PRDM11: variants seen among roughly 807,000 people sequenced by gnomAD.
PRDM11 encodes PR domain-containing protein 11.
In PRDM11, 20 loss-of-function variants were observed where a neutral mutation model predicts 97.8. That is an observed-to-expected ratio of 0.20 (90% CI 0.14 to 0.30). The LOEUF is 0.30. Among genes scored for constraint, PRDM11 ranks in the 10% least tolerant of loss-of-function variants. The pLI is 1.00. For synonymous variants in PRDM11, 599 were observed against 637.7 expected (o/e 0.94, Z 0.91); for missense variants, 1,139 against 1,555.2 (o/e 0.73, Z 4.50).
At chr11:45,135,941 G>A (rs567316308) in intron 1 of PRDM11, among the ~76,000 whole-genome samples, 1 of 152,256 alleles carries the variant, frequency 6.6e-6, no homozygotes, top group East Asian at 1.9e-4. Context: ...CAGCCAAGAG[G>A]GGCCTAAGAA....
At position 45,224,713 on chromosome 11, in the gene PRDM11, C is replaced by T. The variant is rs1404588614; in HGVS notation, c.1239C>T (p.Asn413=). ...TTCCCACCACCTCTTTTTGCCCTAACTGTATTCGCCTAAAGAAGAAGGTTC... is the reference window on the plus strand; with the variant it reads ...TTCCCACCACCTCTTTTTGCCCTAATTGTATTCGCCTAAAGAAGAAGGTTC... ...HELPTTSFCP[N]CIRLKKKVRE... is the part of the protein sequence containing the mutation. The change falls in exon 7 of 8, where the codon AAC becomes AAT. Residue 413 remains asparagine (N), a synonymous_variant. Coordinates refer to ENST00000683152, the MANE Select transcript of PRDM11 (RefSeq NM_001384648.1). 2 of 1,614,154 alleles carry T rather than the reference C, an allele frequency of 1.2e-6. No homozygotes were observed. The highest frequency in any genetic ancestry group is 1.7e-5 in the Admixed American group (1 of 60,022).
intron 5 of PRDM11, among the ~76,000 whole-genome samples, chr11:45,217,349 C>A (rs921058217): frequency 6.6e-6 from 1 of 152,106 alleles, no homozygotes. Flanking sequence ...TGGCTGGGTG[C>A]GTGGAAATCA....
At chr11:45,196,268 T>G (rs1254348014) in intron 4 of PRDM11, among the ~76,000 whole-genome samples, 4 of 152,180 alleles carry the variant, frequency 2.6e-5, no homozygotes, top group Non-Finnish European at 5.9e-5. Flanking sequence ...CTTTTTTCTA[T>G]CTCTTGTTCA....
At chr11:45,113,826 T>G (rs1282481247) in intron 1 of PRDM11, among the ~76,000 whole-genome samples, 28 of 108,038 alleles carry the variant, frequency 2.6e-4, no homozygotes, top group African/African-American at 9.8e-4. Context: ...GTGTGTGTGT[T>G]TTGTTTTTTT....
chr11:45,213,982 A>G, intron 5 of PRDM11: 1 of 339,176 alleles, frequency 2.9e-6, no homozygotes, highest in Non-Finnish European at 5.8e-6. Context: ...GTGAGGTGGG[A>G]GGCACCTAGC....
intron 4 of PRDM11, among the ~76,000 whole-genome samples, chr11:45,185,093 A>G (rs1389334469): frequency 6.6e-6 from 1 of 152,192 alleles, no homozygotes; most frequent in Non-Finnish European, 1.5e-5. Context: ...CTGAGAAACC[A>G]GCCAGAAAGA....
At chr11:45,210,995 A>G (rs1486310275) in intron 5 of PRDM11, among the ~76,000 whole-genome samples, 2 of 152,164 alleles carry the variant, frequency 1.3e-5, no homozygotes, top group Non-Finnish European at 2.9e-5. Flanking sequence ...CTGGGCTGGC[A>G]GGGAGCCCGA....
chr11:45,175,619 G>A (rs944151152), intron 1 of PRDM11, among the ~76,000 whole-genome samples: 6 of 152,138 alleles, frequency 3.9e-5, no homozygotes, highest in Admixed American at 1.3e-4. Flanking sequence ...TATTGCAGAG[G>A]ACAGCTTTGT....
chr11:45,199,763 C>T (rs1853260277), intron 4 of PRDM11, among the ~76,000 whole-genome samples: 1 of 152,214 alleles, frequency 6.6e-6, no homozygotes, highest in East Asian at 1.9e-4. Flanking sequence ...GCTCTCTACT[C>T]AGGATGGCCT....
At chr11:45,168,231 G>A (rs572119709) in intron 1 of PRDM11, among the ~76,000 whole-genome samples, 1 of 152,306 alleles carries the variant, frequency 6.6e-6, no homozygotes, top group African/African-American at 2.4e-5. Flanking sequence ...AGGAGCTGTG[G>A]GCCGTGGTCA....
intron 1 of PRDM11, among the ~76,000 whole-genome samples, chr11:45,126,741 C>T (rs1287234207): frequency 6.6e-6 from 1 of 152,130 alleles, no homozygotes; most frequent in Non-Finnish European, 1.5e-5. Context: ...TGTGGGTAAC[C>T]CGACCTTTCT....
intron 1 of PRDM11, among the ~76,000 whole-genome samples, chr11:45,103,802 A>G (rs544554797): frequency 1.8e-4 from 27 of 149,140 alleles, no homozygotes; most frequent in African/African-American, 6.3e-4. Flanking sequence ...TATAAAAATT[A>G]TACCTCAACA....
At chr11:45,140,706 T>G (rs1442828886) in intron 1 of PRDM11, among the ~76,000 whole-genome samples, 7 of 151,926 alleles carry the variant, frequency 4.6e-5, no homozygotes, top group Non-Finnish European at 7.4e-5. Flanking sequence ...CCAATCTGCA[T>G]GAAGGTCTCT....
At chr11:45,097,392 T>C (rs1851900517) in intron 1 of PRDM11, among the ~76,000 whole-genome samples, 1 of 152,240 alleles carries the variant, frequency 6.6e-6, no homozygotes, top group South Asian at 2.1e-4. Flanking sequence ...ACGTGAGCAT[T>C]TGTTACATGC....
intron 5 of PRDM11, among the ~76,000 whole-genome samples, chr11:45,205,604 T>G (rs1274257933): frequency 6.6e-6 from 1 of 152,138 alleles, no homozygotes; most frequent in African/African-American, 2.4e-5. Flanking sequence ...ACCATGGGCC[T>G]GGGGCCCTCT....
intron 5 of PRDM11, among the ~76,000 whole-genome samples, chr11:45,218,649 C>T (rs1360623545): frequency 6.6e-6 from 1 of 152,210 alleles, no homozygotes; most frequent in East Asian, 1.9e-4. Context: ...TTCCTCTTGC[C>T]CTCTGATCTG....
intron 1 of PRDM11, among the ~76,000 whole-genome samples, chr11:45,128,253 C>T (rs2135641980): frequency 6.6e-6 from 1 of 152,320 alleles, no homozygotes; most frequent in Admixed American, 6.5e-5. Context: ...TCTGTCACCC[C>T]TTTCTTTGAC....
chr11:45,167,008 C>G (rs1322787120), intron 1 of PRDM11, among the ~76,000 whole-genome samples: 1 of 152,204 alleles, frequency 6.6e-6, no homozygotes, highest in Non-Finnish European at 1.5e-5. Flanking sequence ...CCAGCTCATT[C>G]ATATTGTTTG....
At chr11:45,108,970 A>C (rs1396509086) in intron 1 of PRDM11, among the ~76,000 whole-genome samples, 1 of 152,242 alleles carries the variant, frequency 6.6e-6, no homozygotes, top group Non-Finnish European at 1.5e-5. Context: ...AAATCTAAAA[A>C]TAGGGCTTTA....
Sources: gnomAD v4.1 joint callset for allele counts (sites outside exome capture counted in the v4.1 genomes callset) on GRCh38, gnomAD v4.1.1 for gene constraint, MANE v1.5 for transcripts, NCBI Gene and HGNC (gene_info 2026-07-23, HGNC 2026-07-21) for gene names.